CDK8: variants seen among roughly 807,000 people sequenced by gnomAD.
CDK8 encodes the protein cyclin-dependent kinase 8.
Under a neutral mutation model 71.5 loss-of-function variants are expected in CDK8, and 29 were observed. The observed-to-expected ratio is 0.41, with a 90% CI of 0.30 to 0.55. The LOEUF (loss-of-function observed/expected upper bound fraction) is 0.55. Among genes scored for constraint, CDK8 ranks in the 20% least tolerant of loss-of-function variants. CDK8 has a pLI of 0.37. For synonymous variants in CDK8, 161 were observed against 192.1 expected, an observed-to-expected ratio of 0.84 and a Z score of 1.34; for missense variants, 288 against 572.6, an observed-to-expected ratio of 0.50 and a Z score of 5.07.
At chr13:26,288,620 C>G (rs1873141040) in intron 1 of CDK8, among the ~76,000 whole-genome samples, 1 of 150,716 alleles carries the variant, frequency 6.6e-6, no homozygotes, top group Non-Finnish European at 1.5e-5. Context: ...AAACACACTA[C>G]TAGGATTTTG....
intron 3 of CDK8, among the ~76,000 whole-genome samples, chr13:26,352,527 T>G (rs1271805278): frequency 2.0e-5 from 3 of 152,248 alleles, no homozygotes; most frequent in East Asian, 3.8e-4. Context: ...AAGAATCTTC[T>G]TCTTAAGGAG....
At chr13:26,381,206 T>C (rs1050701761) in intron 4 of CDK8, among the ~76,000 whole-genome samples, 2 of 152,176 alleles carry the variant, frequency 1.3e-5, no homozygotes, top group African/African-American at 2.4e-5. Context: ...ACATTTTGAA[T>C]TGGGAGCAAT....
intron 2 of CDK8, among the ~76,000 whole-genome samples, chr13:26,338,650 G>C (rs1873088365): frequency 6.6e-6 from 1 of 152,066 alleles, no homozygotes; most frequent in Non-Finnish European, 1.5e-5. Flanking sequence ...CATGCTGAAA[G>C]ATGTAGTTCA....
chr13:26,382,499 A>G (rs558946737), intron 4 of CDK8, among the ~76,000 whole-genome samples: 43 of 152,296 alleles, frequency 2.8e-4, no homozygotes, highest in African/African-American at 1.0e-3. Flanking sequence ...CATTTTATGT[A>G]CTTGAAAGAG....
intron 3 of CDK8, among the ~76,000 whole-genome samples, chr13:26,349,428 T>G (rs3736995): frequency 0.057 from 8,715 of 152,254 alleles, 410 homozygotes; most frequent in African/African-American, 0.12. Context: ...GTTCAACAAC[T>G]ATTCAATATT....
intron 1 of CDK8, among the ~76,000 whole-genome samples, chr13:26,331,239 GTCT>G (rs1270494763): frequency 6.6e-6 from 1 of 152,066 alleles, no homozygotes; most frequent in Admixed American, 6.5e-5. Flanking sequence ...ATCTTTGTAT[GTCT>G]TCTTTTGAAA....
At chr13:26,359,512 A>G (rs1874041018) in intron 4 of CDK8, 1 of 167,774 alleles carries the variant, frequency 6.0e-6, no homozygotes, top group Non-Finnish European at 1.3e-5. Context: ...TCAAAGTTGT[A>G]TTGATACTGT....
chr13:26,392,207 A>G (rs943118878), intron 6 of CDK8, among the ~76,000 whole-genome samples: 5 of 152,224 alleles, frequency 3.3e-5, no homozygotes, highest in African/African-American at 1.2e-4. Flanking sequence ...TTTTGAGTAC[A>G]AATTTAATTT....
intron 1 of CDK8, among the ~76,000 whole-genome samples, chr13:26,290,982 G>T (rs760807309): frequency 3.4e-4 from 52 of 152,102 alleles, no homozygotes; most frequent in Non-Finnish European, 1.6e-4. Flanking sequence ...AGCTGGGCAT[G>T]GTGGCGCCTG....
intron 1 of CDK8, among the ~76,000 whole-genome samples, chr13:26,306,904 C>T (rs1340922128): frequency 1.3e-5 from 2 of 152,150 alleles, no homozygotes; most frequent in African/African-American, 2.4e-5. Flanking sequence ...GCTGGGATTA[C>T]AGGCTGAGCC....
At chr13:26,256,055 C>G (rs1440303333) in intron 1 of CDK8, among the ~76,000 whole-genome samples, 1 of 152,102 alleles carries the variant, frequency 6.6e-6, no homozygotes, top group South Asian at 2.1e-4. Flanking sequence ...GATAGGAGTT[C>G]TAATTAATTT....
intron 1 of CDK8, among the ~76,000 whole-genome samples, chr13:26,323,509 A>G (rs1223160783): frequency 2.6e-5 from 4 of 152,142 alleles, no homozygotes; most frequent in Admixed American, 2.0e-4. Flanking sequence ...ATTGTGGGTT[A>G]GTGCTTCATC....
rs371760140 is a variant in CDK8, at chr13:26,294,748, TTTTTG to T, written c.128+39994_128+39998del. ...AGGTTCTTTGTTCATGATAGTTTCT[TTTTTG>T]TTTTGTTTTGTTTTTTGAGAGGAGT... is the stretch of plus-strand genomic sequence containing the variant. On this transcript the variant is annotated intron_variant, in intron 1 of 12. Coordinates refer to ENST00000381527, the MANE Select transcript of CDK8 (RefSeq NM_001260.3). Among the ~76,000 whole-genome samples the T allele has an allele frequency of 2.1e-3, 320 of 152,148 alleles. 1 individual carries two copies. The highest frequency in any genetic ancestry group is 7.4e-3 in the African/African-American group (309 of 41,494).
At chr13:26,392,868 T>C (rs1442123878) in intron 6 of CDK8, among the ~76,000 whole-genome samples, 1 of 152,144 alleles carries the variant, frequency 6.6e-6, no homozygotes, top group African/African-American at 2.4e-5. Context: ...CCTTGCAAAT[T>C]AGCAAGTAAA....
At chr13:26,307,870 A>G (rs1458735436) in intron 1 of CDK8, among the ~76,000 whole-genome samples, 2 of 152,238 alleles carry the variant, frequency 1.3e-5, no homozygotes, top group African/African-American at 4.8e-5. Flanking sequence ...TTGCTAACTA[A>G]CAGCATTGTT....
chr13:26,311,366 A>C (rs1205534567), intron 1 of CDK8, among the ~76,000 whole-genome samples: 1 of 152,134 alleles, frequency 6.6e-6, no homozygotes, highest in East Asian at 1.9e-4. Flanking sequence ...ATAAATAAAA[A>C]ATATTTATTA....
intron 4 of CDK8, among the ~76,000 whole-genome samples, chr13:26,363,157 TAA>T (rs551583949): frequency 1.5e-5 from 2 of 137,472 alleles, no homozygotes; most frequent in Non-Finnish European, 1.6e-5. Flanking sequence ...CCATCTCTGC[TAA>T]AAAAAAAAAA....
At chr13:26,272,231 C>T (rs915025200) in intron 1 of CDK8, among the ~76,000 whole-genome samples, 6 of 151,880 alleles carry the variant, frequency 4.0e-5, no homozygotes, top group African/African-American at 7.3e-5. Context: ...GTGGGTCACA[C>T]CTGTAATCCC....
intron 5 of CDK8, among the ~76,000 whole-genome samples, chr13:26,384,095 T>C (rs916111060): frequency 3.3e-5 from 5 of 152,214 alleles, no homozygotes; most frequent in Non-Finnish European, 5.9e-5. Context: ...AACAATCTAG[T>C]TTGGAATTAT....
Sources: gnomAD v4.1 joint callset for allele counts (sites outside exome capture counted in the v4.1 genomes callset) on GRCh38, gnomAD v4.1.1 for gene constraint, MANE v1.5 for transcripts, NCBI Gene and HGNC (gene_info 2026-07-23, HGNC 2026-07-21) for gene names.